The following PTPRT variants were observed in gnomAD, a reference collection of about 807,000 sequenced individuals.
The protein encoded by PTPRT is receptor-type tyrosine-protein phosphatase T.
PTPRT carries 56 observed loss-of-function variants against 176.8 expected under a neutral mutation model. That is an observed-to-expected ratio of 0.32 (90% CI 0.26 to 0.40). The LOEUF (loss-of-function observed/expected upper bound fraction) is 0.40, where lower values mean the gene tolerates loss of function less well. Among genes scored for constraint, PTPRT ranks in the 10% least tolerant of loss-of-function variants. The pLI is 1.00. For synonymous variants in PTPRT, 783 were observed against 739.0 expected (o/e 1.06, Z -0.96); for missense variants, 1,540 against 1,908.2 (o/e 0.81, Z 3.60).
intron 7 of PTPRT, among the ~76,000 whole-genome samples, chr20:42,547,939 TA>T (rs1487538751): frequency 1.3e-5 from 2 of 151,858 alleles, no homozygotes; most frequent in South Asian, 2.1e-4. Context: ...AATAAGTAAC[TA>T]AAAAACACAG....
chr20:42,302,928 G>A (rs910233786), intron 12 of PTPRT, among the ~76,000 whole-genome samples: 2 of 152,194 alleles, frequency 1.3e-5, no homozygotes, highest in African/African-American at 4.8e-5. Flanking sequence ...TCTGCTGAAA[G>A]AAGAGAACTG....
chr20:42,238,789 AG>A (rs1568698204), intron 14 of PTPRT, among the ~76,000 whole-genome samples: 1 of 152,172 alleles, frequency 6.6e-6, no homozygotes, highest in Non-Finnish European at 1.5e-5. Context: ...CAGCTCAAAC[AG>A]CTTTCAGGAG....
At chr20:42,588,593 T>A (rs2073513505) in intron 7 of PTPRT, among the ~76,000 whole-genome samples, 1 of 152,222 alleles carries the variant, frequency 6.6e-6, no homozygotes, top group African/African-American at 2.4e-5. Context: ...AATAAGTTTT[T>A]AATGATTATG....
chr20:42,877,163 G>A (rs208196), intron 2 of PTPRT, among the ~76,000 whole-genome samples: 41,474 of 151,176 alleles, frequency 0.27, 5,709 homozygotes, highest in African/African-American at 0.32. Context: ...AGAAAAAAAA[G>A]GGAGTTCTGG....
intron 11 of PTPRT, among the ~76,000 whole-genome samples, chr20:42,319,847 T>A (rs2057774475): frequency 6.6e-6 from 1 of 152,204 alleles, no homozygotes; most frequent in Non-Finnish European, 1.5e-5. Flanking sequence ...GTGAATGACC[T>A]CCCTTTTGGG....
At chr20:42,448,990 G>C (rs1411102628) in intron 8 of PTPRT, among the ~76,000 whole-genome samples, 1 of 152,140 alleles carries the variant, frequency 6.6e-6, no homozygotes, top group Non-Finnish European at 1.5e-5. Context: ...GCTTGTTTTA[G>C]GATTTGTATT....
chr20:42,244,218 T>G (rs1401726400), intron 14 of PTPRT, among the ~76,000 whole-genome samples: 1 of 152,206 alleles, frequency 6.6e-6, no homozygotes, highest in South Asian at 2.1e-4. Flanking sequence ...GGCCAGTTTT[T>G]CTGATTCTCT....
chr20:42,255,286 G>T (rs1474349789), intron 13 of PTPRT, among the ~76,000 whole-genome samples: 2 of 152,168 alleles, frequency 1.3e-5, no homozygotes, highest in African/African-American at 4.8e-5. Context: ...TCTCATTTAT[G>T]AAATAATTAG....
chr20:42,889,074 G>GC (rs1027450907), intron 1 of PTPRT, among the ~76,000 whole-genome samples: 1 of 151,968 alleles, frequency 6.6e-6, no homozygotes, highest in African/African-American at 2.4e-5. Flanking sequence ...TGGATCCATT[G>GC]CCCACCCCTC....
chr20:42,167,067 G>C (rs1989859435), intron 16 of PTPRT, among the ~76,000 whole-genome samples: 1 of 152,160 alleles, frequency 6.6e-6, no homozygotes, highest in Non-Finnish European at 1.5e-5. Context: ...CTGCATCTCA[G>C]TTTCTTTATC....
At chr20:42,749,144 C>A (rs771092036) in intron 6 of PTPRT, among the ~76,000 whole-genome samples, 24 of 152,128 alleles carry the variant, frequency 1.6e-4, no homozygotes, top group Non-Finnish European at 3.2e-4. Context: ...AGAGATCCCA[C>A]CTTATGAGTG....
At chr20:42,355,626 C>T (rs969765556) in intron 9 of PTPRT, among the ~76,000 whole-genome samples, 3 of 152,206 alleles carry the variant, frequency 2.0e-5, no homozygotes, top group African/African-American at 7.2e-5. Context: ...ATGGAGTTTT[C>T]AGCATGCAGG....
chr20:42,350,821 A>G lies in PTPRT; in HGVS notation c.1763-91T>C, dbSNP rs1568800342. 3 of 962,134 alleles carry G rather than the reference A, an allele frequency of 3.1e-6. No homozygotes were observed. The African/African-American group carries it at 4.8e-5, about 15-fold the overall frequency. The allele number at this position is 962,134 out of a possible 1,614,324, so 59.6% of individuals were successfully genotyped here. ...TTGCTGCCATCCTTAAAGACACAGC[A>G]TGGATAGAGGGAGGACGTTTAGGAA... On this transcript the variant is annotated intron_variant, in intron 10 of 30. Transcript: ENST00000373187.
chr20:42,782,587 C>T lies in PTPRT; in HGVS notation c.487-2288G>A, dbSNP rs146240106. Reference sequence around the variant, plus strand: ...TTGGGCCTCAACTTCTGCCTCAGCCCTCATCTTCATTTTCCTTTTTATTCT... The same window carrying T: ...TTGGGCCTCAACTTCTGCCTCAGCCTTCATCTTCATTTTCCTTTTTATTCT... On this transcript the variant is annotated intron_variant, in intron 3 of 30. Transcript: ENST00000373187. Among the ~76,000 whole-genome samples the T allele has an allele frequency of 1.4e-4, 21 of 152,316 alleles. No homozygotes were observed. In the East Asian group the frequency reaches 3.7e-3, roughly 27 times the overall value.
intron 2 of PTPRT, among the ~76,000 whole-genome samples, chr20:42,813,428 C>G (rs1354095769): frequency 6.6e-6 from 1 of 151,114 alleles, no homozygotes; most frequent in Admixed American, 6.6e-5. Context: ...CTCTTCCTCC[C>G]TCCCTCTTTT....
intron 1 of PTPRT, among the ~76,000 whole-genome samples, chr20:43,133,005 T>C (rs936578069): frequency 2.0e-5 from 3 of 151,896 alleles, no homozygotes; most frequent in African/African-American, 7.3e-5. Flanking sequence ...AATAACTACT[T>C]TGATTACATA....
chr20:42,269,049 G>A (rs1434272306), intron 13 of PTPRT, among the ~76,000 whole-genome samples: 1 of 152,136 alleles, frequency 6.6e-6, no homozygotes, highest in Non-Finnish European at 1.5e-5. Flanking sequence ...GCCTCAAGGT[G>A]GGCCCAACTC....
chr20:42,944,523 T>C (rs1051962430), intron 1 of PTPRT, among the ~76,000 whole-genome samples: 14 of 152,164 alleles, frequency 9.2e-5, no homozygotes, highest in African/African-American at 3.1e-4. Context: ...CCTCCAACCT[T>C]ACCTGCAGCT....
chr20:42,995,487 G>A (rs189670486), intron 1 of PTPRT, among the ~76,000 whole-genome samples: 342 of 152,200 alleles, frequency 2.2e-3, no homozygotes, highest in Non-Finnish European at 3.3e-3. Context: ...CAGGGCTCAG[G>A]TCATCCTTAA....
Sources: allele counts gnomAD v4.1 joint callset (sites outside exome capture counted in the v4.1 genomes callset), GRCh38; gene constraint gnomAD v4.1.1; transcripts MANE v1.5; gene names NCBI Gene and HGNC (gene_info 2026-07-23, HGNC 2026-07-21).